NCKAP1L: variants seen among roughly 807,000 people sequenced by gnomAD.
NCKAP1L encodes the protein nck-associated protein 1-like.
NCKAP1L carries 53 observed loss-of-function variants against 139.2 expected under a neutral mutation model. The ratio of observed to expected loss-of-function variants is 0.38; its 90% CI spans 0.31 to 0.48. The LOEUF (loss-of-function observed/expected upper bound fraction) is 0.48. Ranked by LOEUF, NCKAP1L falls within the 20% of genes least tolerant of loss-of-function variation. The probability of loss-of-function intolerance (pLI) is 0.98; values close to 1 mark genes in which losing one functional copy is unlikely to be tolerated. For synonymous variants in NCKAP1L, 468 were observed against 499.7 expected (o/e 0.94, Z 0.85); for missense variants, 1,151 against 1,381.9 (o/e 0.83, Z 2.65).
At position 54,511,940 on chromosome 12, in the gene NCKAP1L, C is replaced by T. The variant is rs1035796004; in HGVS notation, c.785-9C>T. 3 of 1,614,058 alleles carry T rather than the reference C, an allele frequency of 1.9e-6. No homozygotes were observed. Among genetic ancestry groups the T allele is most frequent in the Non-Finnish European group, 2.5e-6 (3 of 1,180,030 alleles). Reference sequence around the variant, plus strand: ...AAAGTCTTCCTCTGCACTGTTTTCCCACCTACAGTTGGGTTTCTTCTTTGT... The same window carrying T: ...AAAGTCTTCCTCTGCACTGTTTTCCTACCTACAGTTGGGTTTCTTCTTTGT... On this transcript the variant is annotated splice_polypyrimidine_tract_variant and intron_variant, in intron 8 of 30. Transcript: ENST00000293373.
At chr12:54,523,989 G>A (rs1393938066) in intron 20 of NCKAP1L, 33 bp downstream of exon 20, 4 of 1,603,806 alleles carry the variant, frequency 2.5e-6, no homozygotes, top group African/African-American at 2.7e-5. Flanking sequence ...TGTTTGGACA[G>A]TAGTCTTCAT....
intron 29 of NCKAP1L, 136 bp downstream of exon 29, chr12:54,537,189 A>G (rs928800385): frequency 5.3e-6 from 3 of 564,698 alleles, no homozygotes; most frequent in Non-Finnish European, 9.4e-6. Flanking sequence ...AAGAGTGAGA[A>G]GCTACTATGT....
intron 19 of NCKAP1L, 27 bp downstream of exon 19, chr12:54,523,566 G>A (rs756564843): frequency 2.3e-5 from 37 of 1,594,842 alleles, no homozygotes; most frequent in Non-Finnish European, 3.2e-5. Flanking sequence ...TAGATGGCCA[G>A]CTGGGTACTG....
Position 54,523,925 on chromosome 12 carries a change from C to A in NCKAP1L, c.2125C>A (p.Leu709Ile). The A allele has an allele frequency of 1.2e-6, 2 of 1,614,084 alleles. No individual in the cohort carries two copies. The highest frequency in any genetic ancestry group is 1.7e-6 in the Non-Finnish European group (2 of 1,179,982). Residue 709 changes from leucine to isoleucine, a missense_variant, in exon 20 of 31, where the codon CTC becomes ATC. Coordinates refer to ENST00000293373, the MANE Select transcript of NCKAP1L (RefSeq NM_005337.5). ...ACATACTATCTTCCCTTCTGAGTAC[C>A]TCAGCAGCCACCTGGAGGCCAGACT... ...FEHTIFPSEY[L>I]SSHLEARLNR... is the part of the protein sequence containing the mutation.
intron 22 of NCKAP1L, among the ~76,000 whole-genome samples, chr12:54,530,055 C>G (rs868573085): frequency 6.6e-6 from 1 of 152,238 alleles, no homozygotes; most frequent in African/African-American, 2.4e-5. Context: ...CTAAAAATGT[C>G]TAACATCTAC....
intron 10 of NCKAP1L, 60 bp downstream of exon 10, chr12:54,516,355 T>A (rs1956931422): frequency 1.3e-6 from 2 of 1,497,130 alleles, no homozygotes; most frequent in Non-Finnish European, 1.9e-6. Context: ...TTCTCACTTT[T>A]GTTCTCACCT....
At chr12:54,501,509 A>G (rs1956797822) in intron 3 of NCKAP1L, among the ~76,000 whole-genome samples, 1 of 62,080 alleles carries the variant, frequency 1.6e-5, no homozygotes, top group Non-Finnish European at 2.6e-5. Flanking sequence ...TCTATTATTA[A>G]CTTTTTTTTT....
chr12:54,506,785 TAAAAAA>T (rs1291340610), intron 3 of NCKAP1L, among the ~76,000 whole-genome samples: 1 of 60,352 alleles, frequency 1.7e-5, no homozygotes, highest in African/African-American at 7.6e-5. Flanking sequence ...GGCAACATAT[TAAAAAA>T]AAAAAATATA....
chr12:54,527,157 T>A (rs1158702268), intron 21 of NCKAP1L, among the ~76,000 whole-genome samples: 1 of 152,168 alleles, frequency 6.6e-6, no homozygotes, highest in Non-Finnish European at 1.5e-5. Context: ...CGTCTCCTTG[T>A]CCCCAGATGT....
Position 54,531,772 on chromosome 12 carries a change from A to G in NCKAP1L, c.2728A>G (p.Ile910Val), listed in dbSNP as rs1364003811. Residue 910 changes from isoleucine (I) to valine (V), a missense_variant, in exon 25 of 31, where the codon ATC becomes GTC. Coordinates refer to ENST00000293373, the MANE Select transcript of NCKAP1L (RefSeq NM_005337.5). ...TGAAAATGTGCTAAAGCGCATGACC[A>G]TCATTGGGGTTATCCTCAGTTTCAG... ...GAENVLKRMT[I>V]IGVILSFRAM... 2.5e-6 allele frequency: 4 copies of G among 1,612,670 alleles called. No individual in the cohort carries two copies. Among genetic ancestry groups the G allele is most frequent in the Admixed American group, 1.7e-5 (1 of 60,006 alleles).
chr12:54,537,592 A>G (rs1350309447), intron 29 of NCKAP1L, among the ~76,000 whole-genome samples: 1 of 152,172 alleles, frequency 6.6e-6, no homozygotes, highest in South Asian at 2.1e-4. Context: ...TTGTAGAGAC[A>G]CTGAGTTTTA....
intron 19 of NCKAP1L, 36 bp from the exon 20 acceptor site, chr12:54,523,789 G>A (rs1957005947): frequency 6.2e-7 from 1 of 1,600,536 alleles, no homozygotes; most frequent in Non-Finnish European, 8.5e-7. Flanking sequence ...AGCAGGCAGT[G>A]CCAGACCTGT....
At chr12:54,536,011 A>T (rs1267043881) in intron 27 of NCKAP1L, 118 bp from the exon 28 acceptor site, 1 of 729,558 alleles carries the variant, frequency 1.4e-6, no homozygotes, top group Non-Finnish European at 2.4e-6. Flanking sequence ...AAGTGTTTTC[A>T]TGGATATTTT....
intron 10 of NCKAP1L, 103 bp downstream of exon 10, chr12:54,516,398 C>T: frequency 9.3e-7 from 1 of 1,071,890 alleles, no homozygotes; most frequent in South Asian, 1.3e-5. Flanking sequence ...AGCTTTATTG[C>T]CTCAACCCAA....
In NCKAP1L at chr12:54,518,981, C is replaced by G. The variant is rs1296798003; in HGVS notation, c.1479+9C>G. The G allele has an allele frequency of 8.7e-6, 14 of 1,611,082 alleles. No individual in the cohort carries two copies. Among genetic ancestry groups the G allele is most frequent in the Non-Finnish European group, 1.0e-5 (12 of 1,177,306 alleles). ...ACTGGTTCCGCCTACAGGTAATGAT[C>G]TGTTCCTGTTAAAGATTCTCATCCT... On this transcript the variant is annotated intron_variant, in intron 15 of 30. Coordinates refer to ENST00000293373, the MANE Select transcript of NCKAP1L (RefSeq NM_005337.5).
intron 7 of NCKAP1L, among the ~76,000 whole-genome samples, chr12:54,511,198 T>C (rs1956885572): frequency 1.3e-5 from 2 of 152,226 alleles, no homozygotes; most frequent in African/African-American, 4.8e-5. Context: ...CTTCATTTTA[T>C]TGTTATTAAA....
rs1038351245 is a variant in NCKAP1L, at chr12:54,500,737, T to C, written c.306+112T>C. On this transcript the variant is annotated intron_variant, in intron 3 of 30. Transcript: ENST00000293373. ...AGTTCTTGAAAAAATGAGAGAGATG[T>C]ACTAATATGGAAGGATATCTAAGTT... 3 of 728,250 alleles carry C rather than the reference T, an allele frequency of 4.1e-6. No individual in the cohort carries two copies. The African/African-American group carries it at 5.3e-5, about 13-fold the overall frequency. 45.1% of individuals were successfully genotyped at this position (728,250 alleles called of 1,614,324 possible). A position where few individuals can be genotyped will look rare whatever the true frequency, so the allele number is the denominator to read the frequency against.
chr12:54,506,065 A>G (rs1231568124), intron 3 of NCKAP1L, among the ~76,000 whole-genome samples: 1 of 152,194 alleles, frequency 6.6e-6, no homozygotes, highest in Admixed American at 6.5e-5. Flanking sequence ...TTAGGCCATT[A>G]TGCGTAAGTT....
At position 54,509,096 on chromosome 12, in the gene NCKAP1L, G is replaced by T. The variant is rs114001877; in HGVS notation, c.506+565G>T. 6.4e-3 allele frequency among the ~76,000 whole-genome samples: 982 copies of T among 152,252 alleles called. 11 individuals are homozygous for T. The highest frequency in any genetic ancestry group is 0.022 in the African/African-American group (930 of 41,526). ...TATTAGTAAGGTAAATCCATTAGAGGTAACTAATGCGTGATAATACATTTG... is the reference window on the plus strand; with the variant it reads ...TATTAGTAAGGTAAATCCATTAGAGTTAACTAATGCGTGATAATACATTTG... On this transcript the variant is annotated intron_variant, in intron 5 of 30. Transcript: ENST00000293373.
Sources: allele counts gnomAD v4.1 joint callset (sites outside exome capture counted in the v4.1 genomes callset), GRCh38; gene constraint gnomAD v4.1.1; transcripts MANE v1.5; gene names NCBI Gene and HGNC (gene_info 2026-07-23, HGNC 2026-07-21).